Variants in CENPP observed in about 807,000 individuals in gnomAD.
CENPP encodes centromere protein P.
A neutral mutation model predicts 35.6 loss-of-function variants in CENPP; 24 were observed. That is an observed-to-expected ratio of 0.67 (90% CI 0.49 to 0.95). The LOEUF (loss-of-function observed/expected upper bound fraction) is 0.95. CENPP is among the 40% of genes least tolerant of loss of function. The pLI is 0.00. For missense variants in CENPP, 332 were observed against 345.3 expected (o/e 0.96, Z 0.31); for synonymous variants, 120 against 125.5 (o/e 0.96, Z 0.29).
chr9:92,327,383 CTT>C (rs1402793691), intron 1 of CENPP, among the ~76,000 whole-genome samples: 5 of 152,160 alleles, frequency 3.3e-5, no homozygotes, highest in Non-Finnish European at 7.3e-5. Flanking sequence ...AAGGCCCACA[CTT>C]TGGAGGAGGA....
chr9:92,576,151 A>G (rs1850277196), intron 5 of CENPP, among the ~76,000 whole-genome samples: 1 of 152,216 alleles, frequency 6.6e-6, no homozygotes, highest in African/African-American at 2.4e-5. Flanking sequence ...CTGTCCATAT[A>G]ATGGAATATT....
At chr9:92,478,540 A>T (rs1845794226) in intron 5 of CENPP, among the ~76,000 whole-genome samples, 1 of 152,056 alleles carries the variant, frequency 6.6e-6, no homozygotes, top group African/African-American at 2.4e-5. Context: ...TGCAACCTCC[A>T]CGTCCCAGGT....
At chr9:92,366,336 C>T (rs1841888897) in intron 4 of CENPP, among the ~76,000 whole-genome samples, 1 of 152,182 alleles carries the variant, frequency 6.6e-6, no homozygotes, top group African/African-American at 2.4e-5. Context: ...ACTTAGATCT[C>T]TTCTTTATAA....
chr9:92,496,383 GT>G (rs772360585), intron 5 of CENPP: 17 of 1,609,106 alleles, frequency 1.1e-5, no homozygotes, highest in Non-Finnish European at 1.4e-5. Context: ...GTGTAAGATG[GT>G]ATTTCTCTAA....
At chr9:92,420,300 G>T (rs994482558) in intron 5 of CENPP, among the ~76,000 whole-genome samples, 4 of 152,180 alleles carry the variant, frequency 2.6e-5, no homozygotes, top group Non-Finnish European at 5.9e-5. Flanking sequence ...AACATTGTCA[G>T]TTCCTTCTTA....
intron 5 of CENPP, among the ~76,000 whole-genome samples, chr9:92,501,376 G>T (rs1386281515): frequency 6.6e-6 from 1 of 152,148 alleles, no homozygotes; most frequent in Non-Finnish European, 1.5e-5. Context: ...TTGATGCGTT[G>T]AATCCAAAAT....
Position 92,476,215 on chromosome 9 carries a change from T to A in CENPP, c.564+96356T>A, listed in dbSNP as rs549166275. On this transcript the variant is annotated intron_variant, in intron 5 of 7. Coordinates refer to ENST00000375587, the MANE Select transcript of CENPP (RefSeq NM_001012267.3). The surrounding 1 kb of genome is among the most constrained non-coding windows in gnomAD (Gnocchi z 4.1). The stretch of plus-strand genomic sequence containing the variant: ...GAGAGCAGCTGAGCTGCAAAAGACT[T>A]CTATAGTCAGCCAGGATTGGCCCAG... 3.9e-5 allele frequency among the ~76,000 whole-genome samples: 6 copies of A among 152,040 alleles called. No homozygotes were observed. The highest frequency in any genetic ancestry group is 2.6e-4 in the Admixed American group (4 of 15,278).
intron 5 of CENPP, among the ~76,000 whole-genome samples, chr9:92,390,874 A>G (rs1486158576): frequency 6.6e-6 from 1 of 152,032 alleles, no homozygotes; most frequent in Non-Finnish European, 1.5e-5. Context: ...GCCTGAACAA[A>G]CCTTATCTAA....
chr9:92,354,654 A>G (rs1345645657), intron 4 of CENPP, among the ~76,000 whole-genome samples: 2 of 152,148 alleles, frequency 1.3e-5, no homozygotes, highest in Non-Finnish European at 2.9e-5. Context: ...GCCACCACAC[A>G]TGTCCTTGCA....
intron 5 of CENPP, among the ~76,000 whole-genome samples, chr9:92,597,617 A>G (rs932891931): frequency 6.6e-6 from 1 of 152,230 alleles, no homozygotes; most frequent in Non-Finnish European, 1.5e-5. Flanking sequence ...AAGAGTTTCT[A>G]GTATTTACTG....
At chr9:92,339,009 AAGTTGAAAGCCAGAGAAAGC>A (rs1369760509) in intron 3 of CENPP, among the ~76,000 whole-genome samples, 3 of 152,202 alleles carry the variant, frequency 2.0e-5, no homozygotes, top group African/African-American at 7.2e-5. Flanking sequence ...ACTCCAAGAA[AAGTTGAAAGCCAGAGAAAGC>A]AGTTGAAAGA....
intron 5 of CENPP, among the ~76,000 whole-genome samples, chr9:92,479,571 A>AG (rs1252726944): frequency 6.6e-6 from 1 of 152,190 alleles, no homozygotes; most frequent in Non-Finnish European, 1.5e-5. Context: ...GAATAGCTCC[A>AG]GGGAGAGGAT....
rs996142823 is a variant in CENPP, at chr9:92,433,529, A to T, written c.564+53670A>T. Among the ~76,000 whole-genome samples, 5 of 152,362 alleles carry T rather than the reference A, an allele frequency of 3.3e-5. No homozygotes were observed. The South Asian group carries it at 6.2e-4, about 19-fold the overall frequency. ...CAGAAAGATTACGTTCTACAAGTTA[A>T]TAAGGGATTATATAATTTGAGATAC... On this transcript the variant is annotated intron_variant, in intron 5 of 7. Transcript: ENST00000375587.
intron 4 of CENPP, among the ~76,000 whole-genome samples, chr9:92,353,432 G>C (rs369929362): frequency 1.3e-5 from 2 of 152,152 alleles, no homozygotes; most frequent in Non-Finnish European, 2.9e-5. Context: ...TTGGGCTGTC[G>C]TAGTTTCCCA....
At chr9:92,457,061 C>T (rs572792291) in intron 5 of CENPP, 54 of 1,303,176 alleles carry the variant, frequency 4.1e-5, no homozygotes, top group African/African-American at 1.2e-4. Flanking sequence ...ATCATTTGTA[C>T]GCAAAAAGAA....
chr9:92,557,637 G>A (rs539343748), intron 5 of CENPP, among the ~76,000 whole-genome samples: 6 of 151,936 alleles, frequency 3.9e-5, no homozygotes, highest in South Asian at 4.2e-4. Flanking sequence ...AGAGCATTTC[G>A]CATTTCTTTG....
chr9:92,363,916 C>T (rs536378355), intron 4 of CENPP, among the ~76,000 whole-genome samples: 3 of 151,868 alleles, frequency 2.0e-5, no homozygotes, highest in Admixed American at 6.6e-5. Flanking sequence ...TGGTGCAAAC[C>T]CGGCTCACTG....
chr9:92,374,944 A>T lies in CENPP; in HGVS notation c.468-4819A>T, dbSNP rs367596966. ...TGTCTTAATTTCTATTGCATTTGTG[A>T]GAGAGAGTTTTGCTGGATATCAGTC... On this transcript the variant is annotated intron_variant, in intron 4 of 7. Transcript: ENST00000375587. 1.2e-4 allele frequency among the ~76,000 whole-genome samples: 18 copies of T among 152,136 alleles called. No individual in the cohort carries two copies. In the East Asian group the frequency reaches 2.7e-3, roughly 23 times the overall value.
At position 92,590,441 on chromosome 9, in the gene CENPP, G is replaced by A. The variant is rs569746800; in HGVS notation, c.565-20873G>A. 2.6e-3 allele frequency among the ~76,000 whole-genome samples: 395 copies of A among 152,136 alleles called. 1 individual carries two copies. The highest frequency in any genetic ancestry group is 4.1e-3 in the Non-Finnish European group (277 of 67,992). ...GTAGAATTCGTATTTGTCTGAGGCC[G>A]AAGTATGACTTTTAGGAAATTGGAA... On this transcript the variant is annotated intron_variant, in intron 5 of 7. Coordinates refer to ENST00000375587, the MANE Select transcript of CENPP (RefSeq NM_001012267.3).
Sources: gnomAD v4.1 joint callset for allele counts (sites outside exome capture counted in the v4.1 genomes callset) on GRCh38, gnomAD v4.1.1 for gene constraint, Gnocchi (gnomAD v3.1) non-coding constraint, MANE v1.5 for transcripts, NCBI Gene and HGNC (gene_info 2026-07-23, HGNC 2026-07-21) for gene names.